Variants in SPTBN5 observed in about 807,000 individuals in gnomAD.
The protein encoded by SPTBN5 is spectrin beta chain, non-erythrocytic 5.
SPTBN5 carries 513 observed loss-of-function variants against 477.6 expected under a neutral mutation model. The ratio of observed to expected loss-of-function variants is 1.07; its 90% CI spans 1.00 to 1.16. The LOEUF is 1.16. Among genes scored for constraint, SPTBN5 ranks in the 50% most tolerant of loss-of-function variants. The pLI is 0.00. For synonymous variants in SPTBN5, 2,169 were observed against 2,011.7 expected, an observed-to-expected ratio of 1.08 and a Z score of -2.09; for missense variants, 5,062 against 4,731.8, an observed-to-expected ratio of 1.07 and a Z score of -2.05.
At chr15:41,892,777 A>G in intron 3 of SPTBN5, 117 bp downstream of exon 3, 2 of 1,205,056 alleles carry the variant, frequency 1.7e-6, no homozygotes, top group Non-Finnish European at 2.3e-6. Context: ...TCCTGTACTC[A>G]GGCCCCAGCT....
At position 41,874,216 on chromosome 15, in the gene SPTBN5, C is replaced by T; in HGVS notation, c.4689+76G>A. 3 of 1,542,154 alleles carry T rather than the reference C, an allele frequency of 1.9e-6. No individual in the cohort carries two copies. In the South Asian group the frequency reaches 3.7e-5, roughly 19 times the overall value. On this transcript the variant is annotated intron_variant, in intron 24 of 67. Coordinates refer to ENST00000320955, the MANE Select transcript of SPTBN5 (RefSeq NM_016642.4). ...GGGTGAGGGCTTAGAGGCCAGGACACCTGAGTAGGGGCAGAGGGTTTCTAA... is the reference window on the plus strand; with the variant it reads ...GGGTGAGGGCTTAGAGGCCAGGACATCTGAGTAGGGGCAGAGGGTTTCTAA...
chr15:41,851,395 C>T (rs1322656007), intron 63 of SPTBN5, 26 bp from the exon 64 acceptor site: 4 of 1,524,086 alleles, frequency 2.6e-6, no homozygotes, highest in East Asian at 2.5e-5. Flanking sequence ...GGGAAGGTCG[C>T]ATGAGCCACA....
rs1357245801 is a variant in SPTBN5 at position 41,862,609 on chromosome 15, G to A, written c.7315C>T (p.His2439Tyr). ...RLCQRSPEAAHGLRHRQQEVA... is the reference protein window; with the variant it reads ...RLCQRSPEAAYGLRHRQQEVA... ...TCCTGCTGCCTGTGCCTGAGGCCGTGGGCTGCCTCGGGGCTTCTTTGGCAG... is the reference window on the plus strand; with the variant it reads ...TCCTGCTGCCTGTGCCTGAGGCCGTAGGCTGCCTCGGGGCTTCTTTGGCAG... Residue 2439 changes from histidine (H) to tyrosine (Y), a missense_variant, in exon 43 of 68, where the codon CAC (histidine) becomes TAC (tyrosine). By Grantham distance (83) the His-to-Tyr change is moderately conservative. Coordinates refer to ENST00000320955, the MANE Select transcript of SPTBN5 (RefSeq NM_016642.4). 6.4e-7 allele frequency: 1 copy of A among 1,557,854 alleles called. No individual in the cohort carries two copies. Among genetic ancestry groups the A allele is most frequent in the South Asian group, 1.2e-5 (1 of 84,804 alleles).
chr15:41,865,208 T>A (rs1017659326), intron 39 of SPTBN5, among the ~76,000 whole-genome samples: 4 of 152,078 alleles, frequency 2.6e-5, no homozygotes, highest in African/African-American at 7.2e-5. Flanking sequence ...GAGAAATAGA[T>A]GTTTGGTGTG....
intron 36 of SPTBN5, 54 bp from the exon 37 acceptor site, chr15:41,866,547 C>G: frequency 6.8e-7 from 1 of 1,465,044 alleles, no homozygotes; most frequent in Middle Eastern, 2.0e-4. Context: ...AGGCCCCAGA[C>G]GCCACAGGCC....
At chr15:41,869,290 A>C (rs1030095783) in intron 32 of SPTBN5, among the ~76,000 whole-genome samples, 1 of 152,200 alleles carries the variant, frequency 6.6e-6, no homozygotes, top group Non-Finnish European at 1.5e-5. Flanking sequence ...TTGCAGTGTC[A>C]GTTTGGGCCT....
intron 67 of SPTBN5, among the ~76,000 whole-genome samples, chr15:41,849,329 C>T (rs2065668911): frequency 6.6e-6 from 1 of 152,218 alleles, no homozygotes; most frequent in Admixed American, 6.5e-5. Context: ...CGCATCTCCT[C>T]CCTGGCCTGC....
At chr15:41,867,508 G>T in intron 35 of SPTBN5, 30 bp downstream of exon 35, 1 of 1,603,524 alleles carries the variant, frequency 6.2e-7, no homozygotes, top group South Asian at 1.1e-5. Flanking sequence ...ACCACACTCT[G>T]ACCACGCCCA....
intron 66 of SPTBN5, chr15:41,850,289 A>C: frequency 2.9e-6 from 1 of 342,124 alleles, no homozygotes; most frequent in Non-Finnish European, 5.6e-6. Context: ...GTCCAGGGGA[A>C]CCAGCGACAG....
Position 41,873,489 on chromosome 15 carries a change from T to C in SPTBN5, c.5007+3A>G. On this transcript the variant is annotated splice_donor_region_variant and intron_variant, in intron 26 of 67. Coordinates refer to ENST00000320955, the MANE Select transcript of SPTBN5 (RefSeq NM_016642.4). ...ACTGCAGGGGAGGCTCAGGACGTGG[T>C]ACCTGGTGCTTGTTAATGAGCCTGA... is the stretch of plus-strand genomic sequence containing the variant. 6.5e-7 allele frequency: 1 copy of C among 1,549,378 alleles called. No homozygotes were observed. The highest frequency in any genetic ancestry group is 8.7e-7 in the Non-Finnish European group (1 of 1,144,980).
Position 41,854,218 on chromosome 15 carries a change from A to T in SPTBN5, c.9619-13T>A. ...CTGCAGCCAAGTTCTGGGAGAGGAG[A>T]AAGGACCTGCTCAGGGCTGTTCTCT... On this transcript the variant is annotated splice_polypyrimidine_tract_variant and intron_variant, in intron 56 of 67. Transcript: ENST00000320955. 1 of 1,588,126 alleles carries T rather than the reference A, an allele frequency of 6.3e-7. No homozygotes were observed. Among genetic ancestry groups the T allele is most frequent in the Non-Finnish European group, 8.6e-7 (1 of 1,167,514 alleles).
chr15:41,866,671 G>T, intron 36 of SPTBN5, 178 bp from the exon 37 acceptor site: 1 of 813,880 alleles, frequency 1.2e-6, no homozygotes, highest in Non-Finnish European at 1.8e-6. Flanking sequence ...AGCCGGGCAG[G>T]GCCTTGGGTG....
At chr15:41,852,106 C>G (rs889563698) in intron 62 of SPTBN5, 76 bp downstream of exon 62, 1 of 1,493,304 alleles carries the variant, frequency 6.7e-7, no homozygotes, top group African/African-American at 1.4e-5. Flanking sequence ...GGGCCCTCAC[C>G]CCCACAGCCC....
chr15:41,876,250 C>G lies in SPTBN5; in HGVS notation c.3986G>C (p.Trp1329Ser). The G allele has an allele frequency of 6.3e-7, 1 of 1,595,056 alleles. No individual in the cohort carries two copies. Among genetic ancestry groups the G allele is most frequent in the East Asian group, 2.2e-5 (1 of 44,592 alleles). Reference sequence around the variant, plus strand: ...AGCCATCAGCCCCTTCTCTTCCATCCACTGCATCAGCTCTGCCACATCCTG... The same window carrying G: ...AGCCATCAGCCCCTTCTCTTCCATCGACTGCATCAGCTCTGCCACATCCTG... ...WKQDVAELMQ[W>S]MEEKGLMAAH... is the part of the protein sequence containing the mutation. The change falls in exon 21 of 68, where the codon TGG becomes TCG. Residue 1329 changes from tryptophan (W) to serine (S), a missense_variant. Trp to Ser is a radical substitution (Grantham distance 177). Coordinates refer to ENST00000320955, the MANE Select transcript of SPTBN5 (RefSeq NM_016642.4).
Position 41,865,686 on chromosome 15 carries a change from G to T in SPTBN5, c.6918+122C>A, listed in dbSNP as rs2066275569. ...GGTGAGAGGAGGGAGCCTGCCCGAG[G>T]GCATAGGAGGAGCAGGCATGGCGCC... On this transcript the variant is annotated intron_variant, in intron 39 of 67. Coordinates refer to ENST00000320955, the MANE Select transcript of SPTBN5 (RefSeq NM_016642.4). 4.6e-6 allele frequency: 4 copies of T among 872,406 alleles called. No individual in the cohort carries two copies. In the South Asian group the frequency reaches 6.8e-5, roughly 15 times the overall value. The allele number at this position is 872,406 out of a possible 1,614,324, so 54.0% of individuals were successfully genotyped here.
intron 49 of SPTBN5, among the ~76,000 whole-genome samples, chr15:41,858,067 C>T (rs1341219273): frequency 2.0e-4 from 30 of 152,098 alleles, no homozygotes; most frequent in Admixed American, 2.0e-3. Flanking sequence ...GAGGCTGAGG[C>T]AGGTGGATCG....
intron 49 of SPTBN5, 72 bp downstream of exon 49, chr15:41,858,530 C>T (rs1172334499): frequency 1.2e-5 from 18 of 1,524,150 alleles, no homozygotes; most frequent in South Asian, 2.5e-5. Context: ...TGGTTCAGCA[C>T]CAGCTCTGGG....
intron 47 of SPTBN5, among the ~76,000 whole-genome samples, chr15:41,859,285 A>G (rs113109000): frequency 6.6e-6 from 1 of 151,996 alleles, no homozygotes; most frequent in Admixed American, 6.6e-5. Flanking sequence ...CAGCCTCCCG[A>G]GTAGCTAGGA....
chr15:41,890,928 G>C (rs968739740), intron 3 of SPTBN5, among the ~76,000 whole-genome samples: 1 of 152,212 alleles, frequency 6.6e-6, no homozygotes, highest in African/African-American at 2.4e-5. Flanking sequence ...ATAGCTCCAA[G>C]GCCCATGGGA....
Sources: gnomAD v4.1 joint callset for allele counts (sites outside exome capture counted in the v4.1 genomes callset) on GRCh38, gnomAD v4.1.1 for gene constraint, MANE v1.5 for transcripts, NCBI Gene and HGNC (gene_info 2026-07-23, HGNC 2026-07-21) for gene names.